The following RBFOX1 variants were observed in gnomAD, a reference collection of about 807,000 sequenced individuals.
RBFOX1 encodes the protein RNA binding fox-1 homolog 1, also known as RNA binding protein fox-1 homolog 1.
RBFOX1 carries 8 observed loss-of-function variants against 57.7 expected under a neutral mutation model. The ratio of observed to expected loss-of-function variants is 0.14; its 90% confidence interval spans 0.08 to 0.25. The LOEUF is 0.25. RBFOX1 is among the 10% of genes least tolerant of loss of function. RBFOX1 has a pLI of 1.00. For synonymous variants in RBFOX1, 326 were observed against 222.4 expected, an observed-to-expected ratio of 1.47 and a Z score of -4.15; for missense variants, 611 against 548.5, an observed-to-expected ratio of 1.11 and a Z score of -1.14.
intron 3 of RBFOX1, among the ~76,000 whole-genome samples, chr16:6,862,954 C>T (rs1458545677): frequency 1.3e-5 from 2 of 150,858 alleles, no homozygotes; most frequent in African/African-American, 4.9e-5. Context: ...CACTGCACTC[C>T]AGCCTGGGCG....
At chr16:6,695,809 T>G (rs1233270993) in intron 3 of RBFOX1, among the ~76,000 whole-genome samples, 2 of 152,242 alleles carry the variant, frequency 1.3e-5, no homozygotes, top group African/African-American at 2.4e-5. Context: ...CATTGTCATG[T>G]CCTGTTTTGT....
intron 4 of RBFOX1, among the ~76,000 whole-genome samples, chr16:5,877,707 C>G (rs56748430): frequency 0.022 from 3,315 of 152,356 alleles, 67 homozygotes; most frequent in African/African-American, 0.052. Context: ...AGAGTAGCAG[C>G]TCAGAGGCAG....
At chr16:7,276,760 T>C (rs2095448164) in intron 4 of RBFOX1, among the ~76,000 whole-genome samples, 1 of 152,186 alleles carries the variant, frequency 6.6e-6, no homozygotes, top group Non-Finnish European at 1.5e-5. Context: ...TTAAGACTGA[T>C]TACAAATCCT....
chr16:6,529,530 G>A (rs1485399155), intron 2 of RBFOX1, among the ~76,000 whole-genome samples: 1 of 151,728 alleles, frequency 6.6e-6, no homozygotes, highest in Non-Finnish European at 1.5e-5. Flanking sequence ...CTGCACTGCA[G>A]CCTGGGTGAC....
chr16:7,442,279 C>G (rs1598497974), intron 4 of RBFOX1, among the ~76,000 whole-genome samples: 1 of 152,166 alleles, frequency 6.6e-6, no homozygotes, highest in East Asian at 1.9e-4. Flanking sequence ...GCTGGCCAGC[C>G]TTCTGGATTC....
chr16:6,457,444 C>CCCCCT (rs1555484707), intron 2 of RBFOX1, among the ~76,000 whole-genome samples: 4 of 132,828 alleles, frequency 3.0e-5, no homozygotes, highest in African/African-American at 5.4e-5. Flanking sequence ...GAAGTCCCCC[C>CCCCCT]CCCCGCAATA....
chr16:7,659,691 G>A (rs2067214065), intron 12 of RBFOX1, among the ~76,000 whole-genome samples: 1 of 152,200 alleles, frequency 6.6e-6, no homozygotes, highest in Non-Finnish European at 1.5e-5. Flanking sequence ...CAGCATATGG[G>A]CTGCGGTTTG....
intron 5 of RBFOX1, among the ~76,000 whole-genome samples, chr16:7,543,532 T>A (rs953492507): frequency 6.6e-6 from 1 of 152,094 alleles, no homozygotes; most frequent in African/African-American, 2.4e-5. Flanking sequence ...CTCAGAGAAG[T>A]TGAAATGTGT....
chr16:7,549,528 A>T (rs1483434220), intron 5 of RBFOX1, among the ~76,000 whole-genome samples: 1 of 152,182 alleles, frequency 6.6e-6, no homozygotes, highest in Non-Finnish European at 1.5e-5. Context: ...TGCAAGCTGA[A>T]GAGCAAGGAA....
At chr16:7,232,526 T>C (rs537204315) in intron 4 of RBFOX1, among the ~76,000 whole-genome samples, 46 of 152,214 alleles carry the variant, frequency 3.0e-4, no homozygotes, top group African/African-American at 1.0e-3. Flanking sequence ...GTAATTCTTA[T>C]TTAATGGTGT....
At chr16:7,690,173 C>T (rs1027197569) in intron 14 of RBFOX1, among the ~76,000 whole-genome samples, 1 of 151,980 alleles carries the variant, frequency 6.6e-6, no homozygotes, top group African/African-American at 2.4e-5. Context: ...CTTTCCAGGC[C>T]CTACCCCAGA....
chr16:7,479,167 A>G (rs1220794602), intron 4 of RBFOX1, among the ~76,000 whole-genome samples: 2 of 150,026 alleles, frequency 1.3e-5, no homozygotes, highest in South Asian at 2.1e-4. Flanking sequence ...TCTGTTGCCT[A>G]GGCTGGAGCG....
intron 2 of RBFOX1, among the ~76,000 whole-genome samples, chr16:6,557,679 A>G (rs2097124371): frequency 6.6e-6 from 1 of 152,200 alleles, no homozygotes; most frequent in South Asian, 2.1e-4. Flanking sequence ...GCTCCTTTCG[A>G]CCAAGTATCT....
chr16:7,008,281 C>A (rs769932308), intron 3 of RBFOX1, among the ~76,000 whole-genome samples: 1 of 152,092 alleles, frequency 6.6e-6, no homozygotes, highest in Non-Finnish European at 1.5e-5. Context: ...GTGGCTTATA[C>A]CTGTAATCCC....
intron 4 of RBFOX1, among the ~76,000 whole-genome samples, chr16:7,102,113 G>C (rs1460428633): frequency 2.0e-5 from 3 of 151,940 alleles, no homozygotes; most frequent in African/African-American, 7.3e-5. Flanking sequence ...GGCAGAAATG[G>C]TCCTGCCTGT....
intron 4 of RBFOX1, among the ~76,000 whole-genome samples, chr16:7,065,879 A>G (rs2055884311): frequency 6.6e-6 from 1 of 152,128 alleles, no homozygotes; most frequent in Non-Finnish European, 1.5e-5. Flanking sequence ...TAGACGCTAC[A>G]TGGAAGTGAG....
intron 11 of RBFOX1, among the ~76,000 whole-genome samples, chr16:7,635,617 A>G (rs558906094): frequency 5.9e-4 from 89 of 152,104 alleles, no homozygotes; most frequent in Non-Finnish European, 1.1e-3. Flanking sequence ...AGAGGAGAGT[A>G]TACACAGATG....
intron 4 of RBFOX1, among the ~76,000 whole-genome samples, chr16:5,967,455 G>C (rs1389628488): frequency 5.9e-5 from 9 of 152,112 alleles, no homozygotes; most frequent in Non-Finnish European, 1.2e-4. Flanking sequence ...AAGAAGCCCT[G>C]ATTTCTTTTA....
intron 4 of RBFOX1, among the ~76,000 whole-genome samples, chr16:7,357,092 C>T (rs961465277): frequency 6.6e-6 from 1 of 152,098 alleles, no homozygotes; most frequent in Non-Finnish European, 1.5e-5. Flanking sequence ...CAGTTTGGTC[C>T]AGTAGTGTCA....
Sources: gnomAD v4.1 joint callset for allele counts (sites outside exome capture counted in the v4.1 genomes callset) on GRCh38, gnomAD v4.1.1 for gene constraint, MANE v1.5 for transcripts, NCBI Gene and HGNC (gene_info 2026-07-23, HGNC 2026-07-21) for gene names.